The following SLC28A3 variants were observed in gnomAD, a reference collection of about 807,000 sequenced individuals.
SLC28A3 encodes the protein solute carrier family 28 member 3, also known as concentrative Na(+)-nucleoside cotransporter 3.
In SLC28A3, 68 loss-of-function variants were observed where a neutral mutation model predicts 84.2. That is an observed-to-expected ratio of 0.81 (90% CI 0.66 to 0.99). The LOEUF (loss-of-function observed/expected upper bound fraction) is 0.99, where lower values mean the gene tolerates loss of function less well. Ranked by LOEUF, SLC28A3 falls within the 50% of genes least tolerant of loss-of-function variation. The probability of loss-of-function intolerance (pLI) is 0.00; values close to 1 mark genes in which losing one functional copy is unlikely to be tolerated. For synonymous variants in SLC28A3, 267 were observed against 303.6 expected, an observed-to-expected ratio of 0.88 and a Z score of 1.25; for missense variants, 712 against 841.5, an observed-to-expected ratio of 0.85 and a Z score of 1.90.
the SLC28A3 span, among the ~76,000 whole-genome samples, chr9:84,357,561 C>G: frequency 6.6e-6 from 1 of 152,022 alleles, no homozygotes; most frequent in African/African-American, 2.4e-5. Context: ...AGTCTGAGAG[C>G]CTCAATCCTT....
intron 10 of SLC28A3, 180 bp downstream of exon 10, chr9:84,292,488 T>C (rs1825270448): frequency 1.9e-6 from 1 of 534,702 alleles, no homozygotes; most frequent in Non-Finnish European, 3.3e-6. Context: ...TCTCTCTCTC[T>C]CTCTCTCTGT....
chr9:84,358,619 G>C, the SLC28A3 span, among the ~76,000 whole-genome samples: 2 of 152,102 alleles, frequency 1.3e-5, no homozygotes, highest in South Asian at 4.1e-4. Flanking sequence ...TCCTCTGATG[G>C]TCTATGAAAT....
intron 1 of SLC28A3, among the ~76,000 whole-genome samples, chr9:84,314,993 C>T (rs1046861227): frequency 2.0e-5 from 3 of 152,176 alleles, no homozygotes; most frequent in African/African-American, 7.2e-5. Flanking sequence ...AGGAGAATTG[C>T]TTGAACCTGG....
chr9:84,280,047 C>T lies in SLC28A3; in HGVS notation c.1756G>A (p.Asp586Asn), dbSNP rs1489869322. Residue 586 changes from aspartate to asparagine, a missense_variant, in exon 16 of 18, where the codon GAT becomes AAT. By Grantham distance (23) the Asp-to-Asn change is conservative. Transcript: ENST00000376238. ...LTSMAPSRKR[D>N]IASGAVRALI... Reference sequence around the variant, plus strand: ...GCTCTCACTGCCCCCGAGGCGATATCACGCTTTCTGGAAGGAGCCATGGAT... The same window carrying T: ...GCTCTCACTGCCCCCGAGGCGATATTACGCTTTCTGGAAGGAGCCATGGAT... 1.9e-6 allele frequency: 3 copies of T among 1,613,936 alleles called. No homozygotes were observed. Among genetic ancestry groups the T allele is most frequent in the Non-Finnish European group, 2.5e-6 (3 of 1,179,994 alleles).
chr9:84,279,181 A>G (rs983075660), intron 17 of SLC28A3, 84 bp downstream of exon 17: 49 of 1,312,418 alleles, frequency 3.7e-5, no homozygotes, highest in Non-Finnish European at 4.4e-5. Context: ...TCAAAAAAAA[A>G]AAAAAAAAAG....
intron 14 of SLC28A3, among the ~76,000 whole-genome samples, chr9:84,285,118 A>G (rs1824926896): frequency 6.6e-6 from 1 of 152,160 alleles, no homozygotes; most frequent in African/African-American, 2.4e-5. Flanking sequence ...TTATAGTGGC[A>G]ATGATTAGCT....
intron 5 of SLC28A3, among the ~76,000 whole-genome samples, chr9:84,301,712 G>T (rs1458701718): frequency 6.6e-6 from 1 of 152,132 alleles, no homozygotes; most frequent in African/African-American, 2.4e-5. Flanking sequence ...TTATTTACAG[G>T]TACTGAGATT....
chr9:84,327,553 A>G (rs1826611990), intron 1 of SLC28A3, among the ~76,000 whole-genome samples: 2 of 152,154 alleles, frequency 1.3e-5, no homozygotes, highest in Admixed American at 6.5e-5. Flanking sequence ...GAAGGGGGTA[A>G]AATGAGATTG....
chr9:84,292,804 C>A (rs1224610810), intron 9 of SLC28A3, 56 bp from the exon 10 acceptor site: 2 of 1,232,412 alleles, frequency 1.6e-6, no homozygotes, highest in East Asian at 5.3e-5. Flanking sequence ...CCCAAAACTT[C>A]AAAGTAGGGA....
intron 1 of SLC28A3, among the ~76,000 whole-genome samples, chr9:84,337,662 G>A (rs561585458): frequency 1.2e-4 from 19 of 152,032 alleles, no homozygotes; most frequent in South Asian, 2.1e-4. Flanking sequence ...ATGCCAATCC[G>A]AACTTCCTTC....
upstream of SLC28A3, among the ~76,000 whole-genome samples, chr9:84,342,127 C>CAAAAAAAAAA (rs200186519): frequency 5.8e-5 from 4 of 68,748 alleles, no homozygotes; most frequent in Middle Eastern, 8.3e-3. Flanking sequence ...GACCCTGTCT[C>CAAAAAAAAAA]AAAAAAAAAA....
upstream of SLC28A3, among the ~76,000 whole-genome samples, chr9:84,340,997 A>AC (rs1564184155): frequency 5.6e-5 from 8 of 141,618 alleles, no homozygotes; most frequent in African/African-American, 2.1e-4. Context: ...TTTTTTTGAG[A>AC]TGGAGTCTCA....
chr9:84,365,132 C>T, the SLC28A3 span, among the ~76,000 whole-genome samples: 6,677 of 152,236 alleles, frequency 0.044, 208 homozygotes, highest in African/African-American at 0.09. Flanking sequence ...ATTTACATTC[C>T]TACCAACAGT....
chr9:84,276,478 C>A lies in SLC28A3; in HGVS notation c.*1740G>T, dbSNP rs1400111774. On this transcript the variant is annotated 3_prime_UTR_variant, in exon 18 of 18. Coordinates refer to ENST00000376238, the MANE Select transcript of SLC28A3 (RefSeq NM_001199633.2). Reference sequence around the variant, plus strand: ...AGTAGGAAAAAGAGAACCCCCAAACCAAAACCTGTAAACAAAGTAAATGCA... The same window carrying A: ...AGTAGGAAAAAGAGAACCCCCAAACAAAAACCTGTAAACAAAGTAAATGCA... 6.6e-6 allele frequency: 1 copy of A among 151,864 alleles called. No homozygotes were observed. The highest frequency in any genetic ancestry group is 1.5e-5 in the Non-Finnish European group (1 of 67,978). The allele number at this position is 151,864 out of a possible 1,614,324, so 9.4% of individuals were successfully genotyped here. A position where few individuals can be genotyped will look rare whatever the true frequency, so the allele number is the denominator to read the frequency against.
At chr9:84,281,312 A>G (rs932854657) in intron 14 of SLC28A3, among the ~76,000 whole-genome samples, 3 of 152,242 alleles carry the variant, frequency 2.0e-5, no homozygotes, top group East Asian at 1.9e-4. Flanking sequence ...TTATAACTCA[A>G]TAAGATGACC....
chr9:84,321,733 C>CAA (rs10707383), intron 1 of SLC28A3, among the ~76,000 whole-genome samples: 42 of 64,854 alleles, frequency 6.5e-4, no homozygotes, highest in East Asian at 2.2e-3. Flanking sequence ...GACTCCGTCT[C>CAA]AAAAAAAAAA....
chr9:84,339,960 C>T (rs1827102435), intron 1 of SLC28A3, among the ~76,000 whole-genome samples: 1 of 152,194 alleles, frequency 6.6e-6, no homozygotes, highest in South Asian at 2.1e-4. Flanking sequence ...TGAGTGTCAG[C>T]TAAGGAAAGG....
At chr9:84,326,568 G>A (rs1826556750) in intron 1 of SLC28A3, among the ~76,000 whole-genome samples, 1 of 152,066 alleles carries the variant, frequency 6.6e-6, no homozygotes, top group Admixed American at 6.6e-5. Context: ...CTGAATTGGG[G>A]ATTTTCCAAT....
At chr9:84,339,921 G>T (rs2118639691) in intron 1 of SLC28A3, among the ~76,000 whole-genome samples, 2 of 152,298 alleles carry the variant, frequency 1.3e-5, no homozygotes, top group African/African-American at 4.8e-5. Context: ...GCCGGTGCAG[G>T]CTTCCCATCT....
Sources: gnomAD v4.1 joint callset for allele counts (sites outside exome capture counted in the v4.1 genomes callset) on GRCh38, gnomAD v4.1.1 for gene constraint, MANE v1.5 for transcripts, NCBI Gene and HGNC (gene_info 2026-07-23, HGNC 2026-07-21) for gene names.